STK32A: variants seen among roughly 807,000 people sequenced by gnomAD.
STK32A encodes serine/threonine kinase 32A, also known as serine/threonine-protein kinase 32A.
STK32A carries 41 observed loss-of-function variants against 53.2 expected under a neutral mutation model. The ratio of observed to expected loss-of-function variants is 0.77; its 90% CI spans 0.60 to 1.00. The LOEUF is 1.00. Among genes scored for constraint, STK32A ranks in the 50% least tolerant of loss-of-function variants. The pLI is 0.00. For synonymous variants in STK32A, 166 were observed against 162.8 expected, an observed-to-expected ratio of 1.02 and a Z score of -0.15; for missense variants, 458 against 485.8, an observed-to-expected ratio of 0.94 and a Z score of 0.54.
At chr5:147,306,882 C>G (rs1328883945) in intron 4 of STK32A, among the ~76,000 whole-genome samples, 1 of 151,920 alleles carries the variant, frequency 6.6e-6, no homozygotes, top group Non-Finnish European at 1.5e-5. Flanking sequence ...ATAACTATGC[C>G]TGACAATAGG....
chr5:147,264,212 A>C lies in STK32A; in HGVS notation c.53-13912A>C, dbSNP rs534186170. Among the ~76,000 whole-genome samples the C allele has an allele frequency of 1.2e-4, 18 of 152,342 alleles. 1 individual carries two copies. The South Asian group carries it at 3.7e-3, about 32-fold the overall frequency. ...AATGTGCTTCAGTAAAACAAGAAAG[A>C]AGGGGGCACTGCATGCAAGAGCCAG... On this transcript the variant is annotated intron_variant, in intron 2 of 12. Coordinates refer to ENST00000397936, the MANE Select transcript of STK32A (RefSeq NM_001112724.2).
At chr5:147,257,071 A>C (rs2151944807) in intron 2 of STK32A, among the ~76,000 whole-genome samples, 1 of 152,340 alleles carries the variant, frequency 6.6e-6, no homozygotes, top group Non-Finnish European at 1.5e-5. Flanking sequence ...TAACCTGTAG[A>C]GAATTATAGA....
At chr5:147,345,852 TAAG>T (rs1384157203) in intron 6 of STK32A, among the ~76,000 whole-genome samples, 2 of 152,160 alleles carry the variant, frequency 1.3e-5, no homozygotes, top group African/African-American at 4.8e-5. Flanking sequence ...GTCAGTGAAT[TAAG>T]AAGAGGCTTT....
intron 5 of STK32A, among the ~76,000 whole-genome samples, chr5:147,335,660 GCCCAT>G (rs1554106134): frequency 6.6e-6 from 1 of 152,220 alleles, no homozygotes; most frequent in Non-Finnish European, 1.5e-5. Flanking sequence ...TGGGTCACCA[GCCCAT>G]CCCTGAACCA....
rs764323680 is a variant in STK32A, at chr5:147,373,174, C to A, written c.783C>A (p.Leu261=). The A allele has an allele frequency of 1.2e-6, 2 of 1,613,022 alleles. No homozygotes were observed. The highest frequency in any genetic ancestry group is 1.1e-5 in the South Asian group (1 of 91,034). ...TGTTTGCATTTTATTGGCAGCTACT[C>A]GAACCTAATCCAGACCAACGATTTT... is the stretch of plus-strand genomic sequence containing the variant. The part of the protein sequence containing the change: ...QEMVSLLKKL[L]EPNPDQRFSQ... The change falls in exon 10 of 13, where the codon CTC becomes CTA. Residue 261 remains leucine, a synonymous_variant. Transcript: ENST00000397936.
At chr5:147,266,741 T>C (rs1466431318) in intron 2 of STK32A, among the ~76,000 whole-genome samples, 3 of 152,096 alleles carry the variant, frequency 2.0e-5, no homozygotes, top group African/African-American at 4.8e-5. Flanking sequence ...AGAGGCAACA[T>C]TGGCTGGGCG....
At chr5:147,373,077 C>T in intron 9 of STK32A, 92 bp from the exon 10 acceptor site, 2 of 1,517,334 alleles carry the variant, frequency 1.3e-6, no homozygotes, top group Non-Finnish European at 1.8e-6. Context: ...TCCTTCAGTC[C>T]TACAGTTGAA....
At chr5:147,321,279 TA>T (rs1395298643) in intron 4 of STK32A, among the ~76,000 whole-genome samples, 1 of 152,232 alleles carries the variant, frequency 6.6e-6, no homozygotes, top group Non-Finnish European at 1.5e-5. Flanking sequence ...TCACTCATTT[TA>T]AAAAATCAGA....
At chr5:147,375,523 C>T (rs1477724819) in intron 11 of STK32A, 1 of 248,200 alleles carries the variant, frequency 4.0e-6, no homozygotes, top group African/African-American at 2.3e-5. Flanking sequence ...ATTGGCCAAG[C>T]TTAGGTCAGG....
At chr5:147,344,996 G>T (rs1274042175) in intron 6 of STK32A, among the ~76,000 whole-genome samples, 1 of 152,084 alleles carries the variant, frequency 6.6e-6, no homozygotes, top group Non-Finnish European at 1.5e-5. Context: ...TGGTGACTTG[G>T]TCATTGCAGA....
At chr5:147,281,138 T>C (rs1214569379) in intron 4 of STK32A, among the ~76,000 whole-genome samples, 4 of 152,126 alleles carry the variant, frequency 2.6e-5, no homozygotes, top group Non-Finnish European at 4.4e-5. Context: ...TGAACAAGAC[T>C]TTCCCTCTGA....
At position 147,288,985 on chromosome 5, in the gene STK32A, T is replaced by C. The variant is rs536338266; in HGVS notation, c.260+9587T>C. ...GTCTTACAAATATTCGTTCTTTCCT[T>C]CCTTACTTCATGAAGTTATGACATT... is the stretch of plus-strand genomic sequence containing the variant. On this transcript the variant is annotated intron_variant, in intron 4 of 12. Transcript: ENST00000397936. 9.2e-5 allele frequency among the ~76,000 whole-genome samples: 14 copies of C among 152,294 alleles called. No individual in the cohort carries two copies. The South Asian group carries it at 2.9e-3, about 32-fold the overall frequency.
intron 2 of STK32A, among the ~76,000 whole-genome samples, chr5:147,251,507 C>T (rs541850258): frequency 1.5e-4 from 23 of 151,852 alleles, no homozygotes; most frequent in Admixed American, 1.1e-3. Flanking sequence ...TGGGTAGATC[C>T]GGAATCTTGA....
chr5:147,310,775 A>G (rs1251845987), intron 4 of STK32A, among the ~76,000 whole-genome samples: 1 of 142,816 alleles, frequency 7.0e-6, no homozygotes, highest in Non-Finnish European at 1.6e-5. Flanking sequence ...TTTTATATGG[A>G]GAGCAAAATG....
At chr5:147,399,489 T>C in the STK32A span, among the ~76,000 whole-genome samples, 111 of 152,302 alleles carry the variant, frequency 7.3e-4, no homozygotes, top group African/African-American at 2.6e-3. Flanking sequence ...CCCTGAAGTA[T>C]GCATTTTTTT....
intron 2 of STK32A, among the ~76,000 whole-genome samples, chr5:147,263,849 A>T (rs966807318): frequency 2.0e-5 from 3 of 152,190 alleles, no homozygotes; most frequent in African/African-American, 7.2e-5. Flanking sequence ...AAGTTTTCAG[A>T]TTAAAGGAGC....
chr5:147,343,944 C>T (rs1755561567), intron 6 of STK32A, among the ~76,000 whole-genome samples: 1 of 152,212 alleles, frequency 6.6e-6, no homozygotes, highest in East Asian at 1.9e-4. Flanking sequence ...ATTACACCCT[C>T]TAGAATAAGC....
intron 8 of STK32A, among the ~76,000 whole-genome samples, chr5:147,363,970 C>A (rs1426236905): frequency 6.6e-6 from 1 of 152,106 alleles, no homozygotes; most frequent in African/African-American, 2.4e-5. Context: ...AATCCCAGCA[C>A]TTTAGAAGGC....
At chr5:147,340,998 G>A (rs1376188725) in intron 5 of STK32A, among the ~76,000 whole-genome samples, 1 of 152,208 alleles carries the variant, frequency 6.6e-6, no homozygotes, top group African/African-American at 2.4e-5. Context: ...TCTGGGAAAA[G>A]TAGTTAACAC....
Sources: gnomAD v4.1 joint callset for allele counts (sites outside exome capture counted in the v4.1 genomes callset) on GRCh38, gnomAD v4.1.1 for gene constraint, MANE v1.5 for transcripts, NCBI Gene and HGNC (gene_info 2026-07-23, HGNC 2026-07-21) for gene names.